Variants in GRIN2A observed in about 807,000 individuals in gnomAD.
GRIN2A encodes glutamate ionotropic receptor NMDA type subunit 2A.
Under a neutral mutation model 113.4 loss-of-function variants are expected in GRIN2A, and 22 were observed. That is an observed-to-expected ratio of 0.19 (90% CI 0.14 to 0.28). The LOEUF is 0.28. Among genes scored for constraint, GRIN2A ranks in the 10% least tolerant of loss-of-function variants. The pLI, the probability that GRIN2A is intolerant of heterozygous loss-of-function variation, is 1.00. For synonymous variants in GRIN2A, 827 were observed against 738.4 expected (o/e 1.12, Z -1.94); for missense variants, 1,502 against 1,887.0 (o/e 0.80, Z 3.78).
chr16:9,942,367 G>C (rs2044903380), intron 2 of GRIN2A, among the ~76,000 whole-genome samples: 1 of 152,144 alleles, frequency 6.6e-6, no homozygotes, highest in Non-Finnish European at 1.5e-5. Flanking sequence ...CTGCCTCTGA[G>C]GGACTGTGGC....
chr16:9,843,912 T>C (rs1342568487), intron 5 of GRIN2A, among the ~76,000 whole-genome samples: 1 of 152,220 alleles, frequency 6.6e-6, no homozygotes, highest in Admixed American at 6.5e-5. Flanking sequence ...CCTAAGTACA[T>C]TAAAGTTGAT....
intron 2 of GRIN2A, among the ~76,000 whole-genome samples, chr16:10,051,342 G>C (rs991047772): frequency 6.6e-6 from 1 of 152,166 alleles, no homozygotes; most frequent in African/African-American, 2.4e-5. Flanking sequence ...TCCTGCATGG[G>C]TCTCAGAGTC....
chr16:9,964,901 A>G (rs757315894), intron 2 of GRIN2A, among the ~76,000 whole-genome samples: 9 of 152,180 alleles, frequency 5.9e-5, no homozygotes, highest in Non-Finnish European at 1.0e-4. Flanking sequence ...TCTTCCTATC[A>G]CACGTGAAAT....
chr16:9,992,167 GT>G (rs1432912859), intron 2 of GRIN2A, among the ~76,000 whole-genome samples: 1 of 152,186 alleles, frequency 6.6e-6, no homozygotes, highest in Admixed American at 6.5e-5. Flanking sequence ...TCCATGGTAT[GT>G]TTATATCATT....
rs9938477 is a variant in GRIN2A at position 10,064,767 on chromosome 16, T to C, written c.414+115231A>G. Among the ~76,000 whole-genome samples, 761 of 152,344 alleles carry C rather than the reference T, an allele frequency of 5.0e-3. 5 individuals are homozygous for C. Among genetic ancestry groups the C allele is most frequent in the African/African-American group, 0.017 (696 of 41,572 alleles). ...TGCATAGTCTGTTTTGACTTCTCCATGTGCTTCAGTGAAATGCAAATTACT... is the reference window on the plus strand; with the variant it reads ...TGCATAGTCTGTTTTGACTTCTCCACGTGCTTCAGTGAAATGCAAATTACT... On this transcript the variant is annotated intron_variant, in intron 2 of 12. Transcript: ENST00000330684.
intron 3 of GRIN2A, among the ~76,000 whole-genome samples, chr16:9,918,421 T>C (rs915576217): frequency 3.9e-5 from 6 of 152,198 alleles, no homozygotes; most frequent in African/African-American, 1.2e-4. Context: ...ATTAATAAAA[T>C]AGAACAATTA....
At chr16:9,847,161 G>C (rs557842192) in intron 5 of GRIN2A, among the ~76,000 whole-genome samples, 17 of 152,270 alleles carry the variant, frequency 1.1e-4, no homozygotes, top group Admixed American at 2.0e-4. Context: ...TAACCTTCTT[G>C]AGAAGCATAG....
intron 2 of GRIN2A, among the ~76,000 whole-genome samples, chr16:10,096,706 C>G (rs531076020): frequency 6.6e-6 from 1 of 152,202 alleles, no homozygotes; most frequent in Non-Finnish European, 1.5e-5. Context: ...TCAGTTCTTT[C>G]TTGCTGGTGG....
At chr16:9,771,722 C>A (rs1392358338) in intron 11 of GRIN2A, among the ~76,000 whole-genome samples, 1 of 152,138 alleles carries the variant, frequency 6.6e-6, no homozygotes, top group Non-Finnish European at 1.5e-5. Flanking sequence ...GAACACTAGG[C>A]TACAGAAACA....
At chr16:9,980,515 C>A (rs1253387193) in intron 2 of GRIN2A, among the ~76,000 whole-genome samples, 3 of 152,110 alleles carry the variant, frequency 2.0e-5, no homozygotes, top group Admixed American at 6.5e-5. Flanking sequence ...ATAAATCATG[C>A]TGCTATAAAG....
chr16:10,161,885 C>T (rs574794026), intron 2 of GRIN2A, among the ~76,000 whole-genome samples: 1 of 152,314 alleles, frequency 6.6e-6, no homozygotes, highest in East Asian at 1.9e-4. Flanking sequence ...GCTTCTCTGA[C>T]TCTCACCTCC....
intron 12 of GRIN2A, 38 bp from the exon 13 acceptor site, chr16:9,764,986 A>G: frequency 6.2e-7 from 1 of 1,612,762 alleles, no homozygotes; most frequent in Non-Finnish European, 8.5e-7. Flanking sequence ...CAGCAGCAGC[A>G]GCAGTGAACA....
intron 11 of GRIN2A, among the ~76,000 whole-genome samples, chr16:9,774,973 G>GA (rs1403347606): frequency 2.0e-5 from 3 of 152,184 alleles, no homozygotes; most frequent in Admixed American, 1.3e-4. Flanking sequence ...CAAAGTAAGA[G>GA]AAATTAGTTC....
intron 3 of GRIN2A, among the ~76,000 whole-genome samples, chr16:9,898,024 C>T (rs1374294379): frequency 3.5e-5 from 5 of 141,398 alleles, no homozygotes; most frequent in African/African-American, 1.0e-4. Context: ...CCTTGGGCAG[C>T]GTATTTAAAA....
At chr16:10,147,491 G>A (rs1466833442) in intron 2 of GRIN2A, among the ~76,000 whole-genome samples, 4 of 146,256 alleles carry the variant, frequency 2.7e-5, no homozygotes, top group Non-Finnish European at 6.0e-5. Flanking sequence ...AGCCAGGCAT[G>A]CAGGCATGGT....
chr16:9,929,300 T>C (rs1479991977), intron 3 of GRIN2A, among the ~76,000 whole-genome samples: 1 of 152,212 alleles, frequency 6.6e-6, no homozygotes, highest in African/African-American at 2.4e-5. Flanking sequence ...CAAAAGTATG[T>C]CTAATTTAAC....
At chr16:9,835,903 A>T (rs1399015661) in intron 7 of GRIN2A, among the ~76,000 whole-genome samples, 1 of 152,218 alleles carries the variant, frequency 6.6e-6, no homozygotes, top group Non-Finnish European at 1.5e-5. Flanking sequence ...TGCATTTGAT[A>T]GTGCAAATAT....
rs557124537 is a variant in GRIN2A, at chr16:9,924,558, G to A, written c.1007+13401C>T. Among the ~76,000 whole-genome samples, 34 of 152,202 alleles carry A rather than the reference G, an allele frequency of 2.2e-4. No homozygotes were observed. The East Asian group carries it at 6.6e-3, about 29-fold the overall frequency. ...ATGTCTTCATATTTCTCATTCTCAG[G>A]ATTTAAGTTTTTTGAACTGAGGGTT... is the stretch of plus-strand genomic sequence containing the variant. On this transcript the variant is annotated intron_variant, in intron 3 of 12. Transcript: ENST00000330684.
intron 2 of GRIN2A, among the ~76,000 whole-genome samples, chr16:10,017,035 AGCCTATGG>A (rs1267560301): frequency 6.6e-6 from 1 of 152,208 alleles, no homozygotes; most frequent in East Asian, 1.9e-4. Context: ...AAGGGATCAG[AGCCTATGG>A]GCCTCTTTCT....
Sources: gnomAD v4.1 joint callset for allele counts (sites outside exome capture counted in the v4.1 genomes callset) on GRCh38, gnomAD v4.1.1 for gene constraint, MANE v1.5 for transcripts, NCBI Gene and HGNC (gene_info 2026-07-23, HGNC 2026-07-21) for gene names.